PRORP: variants seen among roughly 807,000 people sequenced by gnomAD.
PRORP encodes the protein mitochondrial ribonuclease P catalytic subunit.
A neutral mutation model predicts 59.4 loss-of-function variants in PRORP; 51 were observed. The ratio of observed to expected loss-of-function variants is 0.86; its 90% CI spans 0.69 to 1.08. The LOEUF is 1.08. PRORP is among the 50% of genes least tolerant of loss of function. The pLI, the probability that PRORP is intolerant of heterozygous loss-of-function variation, is 0.00. For synonymous variants in PRORP, 231 were observed against 245.6 expected (o/e 0.94, Z 0.55); for missense variants, 646 against 690.3 (o/e 0.94, Z 0.72).
intron 5 of PRORP, among the ~76,000 whole-genome samples, chr14:35,188,707 G>A (rs1381028162): frequency 2.0e-5 from 3 of 151,676 alleles, no homozygotes; most frequent in East Asian, 1.9e-4. Flanking sequence ...GCCGGGCGCC[G>A]TGGCTCACGC....
chr14:35,133,518 A>G (rs1595166944), intron 4 of PRORP, among the ~76,000 whole-genome samples: 1 of 152,134 alleles, frequency 6.6e-6, no homozygotes, highest in South Asian at 2.1e-4. Flanking sequence ...CTGCTGCCTT[A>G]TTTAGTTCAT....
chr14:35,266,685 T>A (rs1404056085), intron 5 of PRORP, 42 bp from the exon 6 acceptor site: 1 of 1,604,532 alleles, frequency 6.2e-7, no homozygotes. Flanking sequence ...AATTTGAGAG[T>A]CTTCCCTTGA....
intron 5 of PRORP, among the ~76,000 whole-genome samples, chr14:35,253,365 GAAAGAAAGA>G (rs1175195324): frequency 2.2e-5 from 3 of 138,200 alleles, no homozygotes; most frequent in Non-Finnish European, 3.2e-5. Flanking sequence ...GAGAAAGAAA[GAAAGAAAGA>G]AAAGAAAGAA....
At chr14:35,202,428 G>C (rs956367412) in intron 5 of PRORP, among the ~76,000 whole-genome samples, 1 of 151,948 alleles carries the variant, frequency 6.6e-6, no homozygotes, top group South Asian at 2.1e-4. Flanking sequence ...TTTTTTTTCA[G>C]GGGTTAATCT....
intron 5 of PRORP, among the ~76,000 whole-genome samples, chr14:35,192,734 C>T (rs768651953): frequency 3.9e-5 from 6 of 152,086 alleles, no homozygotes; most frequent in Non-Finnish European, 8.8e-5. Context: ...CACACCTGTA[C>T]TGTAATCCCA....
At chr14:35,157,572 TAG>T (rs2047947319) in intron 4 of PRORP, among the ~76,000 whole-genome samples, 1 of 152,094 alleles carries the variant, frequency 6.6e-6, no homozygotes, top group Non-Finnish European at 1.5e-5. Context: ...GTATTTTTAG[TAG>T]AGAGAGGGTT....
At chr14:35,197,001 C>G (rs753820947) in intron 5 of PRORP, among the ~76,000 whole-genome samples, 4 of 152,168 alleles carry the variant, frequency 2.6e-5, no homozygotes, top group Non-Finnish European at 5.9e-5. Flanking sequence ...TCAAATGTCC[C>G]AGAAAGGAAC....
chr14:35,156,442 ATTTTTGTTTTTG>A (rs752847996), intron 4 of PRORP, among the ~76,000 whole-genome samples: 6 of 151,568 alleles, frequency 4.0e-5, no homozygotes, highest in Admixed American at 4.0e-4. Context: ...TAGGTGTTTT[ATTTTTGTTTTTG>A]TTTTTGTTTT....
intron 5 of PRORP, among the ~76,000 whole-genome samples, chr14:35,239,955 G>A (rs1208699634): frequency 1.3e-5 from 2 of 151,878 alleles, no homozygotes; most frequent in Non-Finnish European, 2.9e-5. Flanking sequence ...TGCGCCTGTA[G>A]TCCCAGCTAC....
chr14:35,180,836 T>C (rs970672006), intron 5 of PRORP, 59 bp downstream of exon 5: 9 of 1,141,506 alleles, frequency 7.9e-6, no homozygotes, highest in Middle Eastern at 2.2e-4. Flanking sequence ...TATACCCATT[T>C]ATGACCTTCT....
chr14:35,149,076 G>A (rs1200490625), intron 4 of PRORP, among the ~76,000 whole-genome samples: 1 of 149,140 alleles, frequency 6.7e-6, no homozygotes, highest in African/African-American at 2.5e-5. Context: ...CCGCCACCAC[G>A]CCCGGCTAAT....
At chr14:35,180,807 C>A in intron 5 of PRORP, 30 bp downstream of exon 5, 1 of 1,359,886 alleles carries the variant, frequency 7.4e-7, no homozygotes, top group African/African-American at 1.4e-5. Flanking sequence ...TGTTATTCCA[C>A]ATCTCTAGAA....
chr14:35,157,235 G>A (rs1416418263), intron 4 of PRORP, among the ~76,000 whole-genome samples: 5 of 151,812 alleles, frequency 3.3e-5, no homozygotes, highest in Admixed American at 6.5e-5. Context: ...GATTACAGGC[G>A]TGAGCCACCG....
intron 5 of PRORP, among the ~76,000 whole-genome samples, chr14:35,200,102 TTTA>T (rs2049108720): frequency 6.6e-6 from 1 of 152,136 alleles, no homozygotes; most frequent in Non-Finnish European, 1.5e-5. Context: ...GTATTAATAT[TTTA>T]CCAAAAGAAC....
rs1241372896 is a variant in PRORP at position 35,277,254 on chromosome 14, G to C, written c.*3688G>C. Reference sequence around the variant, plus strand: ...TTGCCCCGGTTGCTCTCAAACTCCTGACCTCAGGTGATCCACCCACCTCAG... The same window carrying C: ...TTGCCCCGGTTGCTCTCAAACTCCTCACCTCAGGTGATCCACCCACCTCAG... On this transcript the variant is annotated 3_prime_UTR_variant, in exon 8 of 8. Coordinates refer to ENST00000534898, the MANE Select transcript of PRORP (RefSeq NM_014672.4). 6.6e-6 allele frequency: 1 copy of C among 152,284 alleles called. No homozygotes were observed. Among genetic ancestry groups the C allele is most frequent in the Non-Finnish European group, 1.5e-5 (1 of 68,150 alleles). The allele number at this position is 152,284 out of a possible 1,614,324, so 9.4% of individuals were successfully genotyped here.
At chr14:35,200,838 A>G (rs962216541) in intron 5 of PRORP, among the ~76,000 whole-genome samples, 8 of 152,174 alleles carry the variant, frequency 5.3e-5, no homozygotes, top group South Asian at 4.1e-4. Context: ...TAGTGAACCA[A>G]TATTGATATA....
At chr14:35,262,523 G>T (rs748226156) in intron 5 of PRORP, 3 of 615,048 alleles carry the variant, frequency 4.9e-6, no homozygotes, top group Non-Finnish European at 8.9e-6. Context: ...ACTCTGAAGG[G>T]ACACACAGTT....
chr14:35,151,885 G>C (rs1412818848), intron 4 of PRORP, among the ~76,000 whole-genome samples: 4 of 145,780 alleles, frequency 2.7e-5, no homozygotes, highest in Admixed American at 6.8e-5. Flanking sequence ...TAGGATCTTT[G>C]TATCAGTTAT....
At chr14:35,270,759 A>G (rs1415842867) in intron 7 of PRORP, among the ~76,000 whole-genome samples, 163 bp downstream of exon 7, 4 of 152,140 alleles carry the variant, frequency 2.6e-5, no homozygotes, top group East Asian at 3.9e-4. Flanking sequence ...AGAGTCTGCT[A>G]GAGTTTTCAT....
Sources: gnomAD v4.1 joint callset for allele counts (sites outside exome capture counted in the v4.1 genomes callset) on GRCh38, gnomAD v4.1.1 for gene constraint, MANE v1.5 for transcripts, NCBI Gene and HGNC (gene_info 2026-07-23, HGNC 2026-07-21) for gene names.